DSCAM: variants seen among roughly 807,000 people sequenced by gnomAD.
DSCAM encodes the protein cell adhesion molecule DSCAM.
A neutral mutation model predicts 217.7 loss-of-function variants in DSCAM; 47 were observed. The observed-to-expected ratio is 0.22, with a 90% confidence interval of 0.17 to 0.28. The LOEUF is 0.28. DSCAM is among the 10% of genes least tolerant of loss of function. The pLI, the probability that DSCAM is intolerant of heterozygous loss-of-function variation, is 1.00. For missense variants in DSCAM, 2,080 were observed against 2,618.3 expected, an observed-to-expected ratio of 0.79 and a Z score of 4.49; for synonymous variants, 1,056 against 1,015.3, an observed-to-expected ratio of 1.04 and a Z score of -0.76.
intron 3 of DSCAM, among the ~76,000 whole-genome samples, chr21:40,646,453 G>A (rs1221442357): frequency 2.0e-5 from 3 of 150,790 alleles, no homozygotes; most frequent in Non-Finnish European, 2.9e-5. Context: ...CTGATACCAT[G>A]AGCACTGATT....
chr21:40,181,437 T>C (rs2090800121), intron 14 of DSCAM, among the ~76,000 whole-genome samples: 2 of 152,266 alleles, frequency 1.3e-5, no homozygotes, highest in South Asian at 2.1e-4. Flanking sequence ...GTCATTCCGA[T>C]GTATAGTTTG....
chr21:40,797,664 G>A (rs1041044666), intron 1 of DSCAM, among the ~76,000 whole-genome samples: 19 of 152,048 alleles, frequency 1.2e-4, no homozygotes, highest in Non-Finnish European at 2.4e-4. Flanking sequence ...TCTTTATTTC[G>A]GAGTGCAGCC....
chr21:40,561,458 T>C (rs2076719956), intron 3 of DSCAM, among the ~76,000 whole-genome samples: 1 of 152,236 alleles, frequency 6.6e-6, no homozygotes, highest in Non-Finnish European at 1.5e-5. Context: ...TTTTCATTTG[T>C]CTATTTCCCC....
At chr21:40,370,584 C>A (rs948238661) in intron 3 of DSCAM, among the ~76,000 whole-genome samples, 7 of 151,062 alleles carry the variant, frequency 4.6e-5, no homozygotes, top group African/African-American at 1.7e-4. Flanking sequence ...AACTACACAT[C>A]ATGCATAGGT....
chr21:40,138,587 G>A (rs1309931801), intron 18 of DSCAM, among the ~76,000 whole-genome samples: 1 of 143,736 alleles, frequency 7.0e-6, no homozygotes, highest in African/African-American at 2.6e-5. Context: ...GTGTGGTGTG[G>A]TATGTGGTGT....
intron 8 of DSCAM, among the ~76,000 whole-genome samples, chr21:40,325,275 G>A (rs2074305200): frequency 6.6e-6 from 1 of 152,146 alleles, no homozygotes. Context: ...TAGATGGAGA[G>A]GAGAAGAAAA....
At chr21:40,416,904 T>A (rs2075377056) in intron 3 of DSCAM, among the ~76,000 whole-genome samples, 2 of 152,114 alleles carry the variant, frequency 1.3e-5, no homozygotes, top group Admixed American at 1.3e-4. Context: ...CCCCCAAAAA[T>A]GCTTTATAAT....
At chr21:40,248,513 G>A (rs952305662) in intron 11 of DSCAM, among the ~76,000 whole-genome samples, 3 of 152,130 alleles carry the variant, frequency 2.0e-5, no homozygotes, top group Non-Finnish European at 4.4e-5. Flanking sequence ...AATATTATAA[G>A]TGTCACCTTT....
intron 3 of DSCAM, among the ~76,000 whole-genome samples, chr21:40,546,430 T>C (rs1216540702): frequency 2.6e-5 from 4 of 152,198 alleles, no homozygotes; most frequent in Admixed American, 6.5e-5. Context: ...CAGATCTGGA[T>C]TCAAATAACA....
At chr21:40,164,790 A>C (rs148158090) in intron 16 of DSCAM, among the ~76,000 whole-genome samples, 2,165 of 151,876 alleles carry the variant, frequency 0.014, 30 homozygotes, top group African/African-American at 0.043. Flanking sequence ...CGACAGAGTG[A>C]GACTCTGTCT....
intron 1 of DSCAM, among the ~76,000 whole-genome samples, chr21:40,733,892 C>T (rs1420281039): frequency 1.3e-5 from 2 of 152,132 alleles, no homozygotes; most frequent in Admixed American, 1.3e-4. Flanking sequence ...CATTGTCAAG[C>T]TCAGACTTTG....
chr21:40,712,234 AGTTT>A (rs143602084), intron 1 of DSCAM, among the ~76,000 whole-genome samples: 5,028 of 152,308 alleles, frequency 0.033, 117 homozygotes, highest in East Asian at 0.11. Context: ...GACAGTGTGT[AGTTT>A]GTTTTATGAA....
intron 8 of DSCAM, among the ~76,000 whole-genome samples, chr21:40,329,836 A>G (rs2074357626): frequency 6.6e-6 from 1 of 151,976 alleles, no homozygotes; most frequent in South Asian, 2.1e-4. Context: ...GCAATCTAAA[A>G]AGGTTGATCT....
chr21:40,505,671 TAAG>T (rs1455578154), intron 3 of DSCAM, among the ~76,000 whole-genome samples: 2 of 152,208 alleles, frequency 1.3e-5, no homozygotes, highest in African/African-American at 4.8e-5. Context: ...AGGCTGTTGC[TAAG>T]GTACAGGGTG....
intron 3 of DSCAM, among the ~76,000 whole-genome samples, chr21:40,653,871 C>A (rs1436891078): frequency 6.6e-6 from 1 of 152,044 alleles, no homozygotes; most frequent in Admixed American, 6.6e-5. Flanking sequence ...CCAAGGCAGG[C>A]AGATCATGAG....
At chr21:40,364,638 C>A (rs2074809035) in intron 4 of DSCAM, among the ~76,000 whole-genome samples, 1 of 150,146 alleles carries the variant, frequency 6.7e-6, no homozygotes, top group South Asian at 2.1e-4. Context: ...TGTAACATAC[C>A]TGTACGTTAT....
chr21:40,757,381 T>C (rs966417331), intron 1 of DSCAM, among the ~76,000 whole-genome samples: 1 of 152,220 alleles, frequency 6.6e-6, no homozygotes, highest in African/African-American at 2.4e-5. Context: ...ACTCAGCTTC[T>C]ATGGTAGACT....
chr21:40,434,891 T>G (rs1035993692), intron 3 of DSCAM, among the ~76,000 whole-genome samples: 1 of 152,162 alleles, frequency 6.6e-6, no homozygotes, highest in African/African-American at 2.4e-5. Flanking sequence ...CCTCACAGCC[T>G]TGAGAGGTAG....
chr21:40,539,227 G>T (rs763389158), intron 3 of DSCAM, among the ~76,000 whole-genome samples: 1 of 152,244 alleles, frequency 6.6e-6, no homozygotes, highest in Middle Eastern at 3.4e-3. Flanking sequence ...TTCCATGGCT[G>T]GGCGCGGTGG....
Sources: gnomAD v4.1 joint callset for allele counts (sites outside exome capture counted in the v4.1 genomes callset) on GRCh38, gnomAD v4.1.1 for gene constraint, MANE v1.5 for transcripts, NCBI Gene and HGNC (gene_info 2026-07-23, HGNC 2026-07-21) for gene names.